Variants in RIC8A observed in about 807,000 individuals in gnomAD.
RIC8A encodes RIC8 guanine nucleotide exchange factor A, also known as chaperone Ric-8A.
In RIC8A, 37 loss-of-function variants were observed where a neutral mutation model predicts 48.4. That is an observed-to-expected ratio of 0.77 (90% CI 0.59 to 1.01). The LOEUF (loss-of-function observed/expected upper bound fraction) is 1.01, where lower values mean the gene tolerates loss of function less well. RIC8A is among the 50% of genes least tolerant of loss of function. The pLI is 0.00. For missense variants in RIC8A, 681 were observed against 696.8 expected, an observed-to-expected ratio of 0.98 and a Z score of 0.25; for synonymous variants, 288 against 283.4, an observed-to-expected ratio of 1.02 and a Z score of -0.16.
intron 5 of RIC8A, chr11:212,019 T>C (rs1220028803): frequency 3.7e-6 from 1 of 268,924 alleles, no homozygotes. Flanking sequence ...GTCCACGAAG[T>C]ACACAGAGCG....
chr11:209,667 A>G lies in RIC8A; in HGVS notation c.393A>G (p.Ala131=), dbSNP rs375200687. 155 of 1,613,826 alleles carry G rather than the reference A, an allele frequency of 9.6e-5. No homozygotes were observed. Among genetic ancestry groups the G allele is most frequent in the Non-Finnish European group, 1.3e-4 (148 of 1,179,998 alleles). The stretch of plus-strand genomic sequence containing the variant: ...ACCTCGTGCTCAGCAGCCCTGTGGC[A>G]CAGATGCTGGCAGCAGAGGCCCGCC... ...LCNLVLSSPV[A]QMLAAEARLV... The change falls in exon 3 of 10, where the codon GCA becomes GCG. Residue 131 remains alanine (A), a synonymous_variant. Coordinates refer to ENST00000526104, the MANE Select transcript of RIC8A (RefSeq NM_001286134.2).
Position 208,705 on chromosome 11 carries a change from C to G in RIC8A, c.-150C>G. 1.8e-6 allele frequency: 1 copy of G among 553,482 alleles called. No individual in the cohort carries two copies. The highest frequency in any genetic ancestry group is 3.1e-6 in the Non-Finnish European group (1 of 324,840). 34.3% of individuals were successfully genotyped at this position (553,482 alleles called of 1,614,324 possible). On this transcript the variant is annotated 5_prime_UTR_variant, in exon 1 of 10. Transcript: ENST00000526104. The surrounding 1 kb of genome is among the most constrained non-coding windows in gnomAD (Gnocchi z 4.8). ...CGCGCCCCCTTAAAGCGCCACCAGA[C>G]GCTGCGCCCCGTTAAAGCGCCACCA...
chr11:208,772 G>T lies in RIC8A; in HGVS notation c.-83G>T. The T allele has an allele frequency of 8.8e-7, 1 of 1,141,508 alleles. No homozygotes were observed. The highest frequency in any genetic ancestry group is 1.2e-6 in the Non-Finnish European group (1 of 823,396). The allele number at this position is 1,141,508 out of a possible 1,614,324, so 70.7% of individuals were successfully genotyped here. ...CCGGCCTCCCCCGCGCGCTGGCGCG[G>T]GGCTTTCTGGGCCAGGGCGGGGCCG... On this transcript the variant is annotated 5_prime_UTR_variant, in exon 1 of 10. Transcript: ENST00000526104. This position sits in a 1 kb window ranked among gnomAD's most constrained non-coding sequence, Gnocchi z 4.8.
intron 9 of RIC8A, 121 bp downstream of exon 9, chr11:213,539 A>G: frequency 7.3e-7 from 1 of 1,372,318 alleles, no homozygotes; most frequent in Non-Finnish European, 9.8e-7. Context: ...ATTAGGTTGC[A>G]TTGCTCACGT....
chr11:214,088 T>C (rs911155836), intron 9 of RIC8A, 142 bp from the exon 10 acceptor site: 1 of 953,580 alleles, frequency 1.0e-6, no homozygotes, highest in Non-Finnish European at 1.5e-6. Flanking sequence ...TTGGGCCCAG[T>C]TAACAGAAGG....
chr11:214,670 G>C lies in RIC8A; in HGVS notation c.*320G>C. On this transcript the variant is annotated 3_prime_UTR_variant, in exon 10 of 10. Transcript: ENST00000526104. ...AGGGCAGGGCCTACCTGGGCACACAGAAGAGCATATGGGAGGGCAGGGGTT... is the reference window on the plus strand; with the variant it reads ...AGGGCAGGGCCTACCTGGGCACACACAAGAGCATATGGGAGGGCAGGGGTT... 2.4e-6 allele frequency: 1 copy of C among 415,218 alleles called. No individual in the cohort carries two copies. Among genetic ancestry groups the C allele is most frequent in the Non-Finnish European group, 4.6e-6 (1 of 218,940 alleles). 25.7% of individuals were successfully genotyped at this position (415,218 alleles called of 1,614,324 possible).
intron 4 of RIC8A, chr11:210,972 C>T (rs1382964480): frequency 6.5e-6 from 4 of 612,274 alleles, no homozygotes; most frequent in South Asian, 4.0e-5. Flanking sequence ...CAGACAGGGT[C>T]GGGGAGGCAG....
chr11:208,776 T>G lies in RIC8A; in HGVS notation c.-79T>G. ...CCTCCCCCGCGCGCTGGCGCGGGGCTTTCTGGGCCAGGGCGGGGCCGGCGA... is the reference window on the plus strand; with the variant it reads ...CCTCCCCCGCGCGCTGGCGCGGGGCGTTCTGGGCCAGGGCGGGGCCGGCGA... On this transcript the variant is annotated 5_prime_UTR_variant, in exon 1 of 10. Transcript: ENST00000526104. This position sits in a 1 kb window ranked among gnomAD's most constrained non-coding sequence, Gnocchi z 4.8. 1 of 1,222,938 alleles carries G rather than the reference T, an allele frequency of 8.2e-7. No individual in the cohort carries two copies. Among genetic ancestry groups the G allele is most frequent in the Non-Finnish European group, 1.1e-6 (1 of 891,088 alleles). The allele number at this position is 1,222,938 out of a possible 1,614,324, so 75.8% of individuals were successfully genotyped here.
chr11:209,894 A>G lies in RIC8A; in HGVS notation c.620A>G (p.Asn207Ser), dbSNP rs1564798841. Residue 207 changes from asparagine to serine, a missense_variant, in exon 3 of 10, where the codon AAC becomes AGC. By Grantham distance (46) the Asn-to-Ser change is conservative. Transcript: ENST00000526104. ...ACGCTGGGGGTGACTCCTGAAGGGA[A>G]CCCCCCACCCACGCTCCTTCCTTCC... ...ELTLGVTPEG[N>S]PPPTLLPSQE... 6.2e-7 allele frequency: 1 copy of G among 1,609,626 alleles called. No homozygotes were observed. The highest frequency in any genetic ancestry group is 8.5e-7 in the Non-Finnish European group (1 of 1,179,772).
Position 210,665 on chromosome 11 carries a change from G to T in RIC8A, c.818+3G>T. The T allele has an allele frequency of 6.2e-7, 1 of 1,613,922 alleles. No homozygotes were observed. The highest frequency in any genetic ancestry group is 8.5e-7 in the Non-Finnish European group (1 of 1,179,818). On this transcript the variant is annotated splice_donor_region_variant and intron_variant, in intron 4 of 9. Transcript: ENST00000526104. ...GACCGCACAGAGGAGTTCCACGGGTGAGAATGGGGCTTTTTCTGGGAGGGA... is the reference window on the plus strand; with the variant it reads ...GACCGCACAGAGGAGTTCCACGGGTTAGAATGGGGCTTTTTCTGGGAGGGA...
chr11:210,420 C>CA (rs768849175), intron 3 of RIC8A, 151 bp from the exon 4 acceptor site: 2 of 796,368 alleles, frequency 2.5e-6, no homozygotes, highest in Middle Eastern at 2.2e-4. Context: ...TACCCAGAGT[C>CA]ACCTAGGAAG....
Position 208,819 on chromosome 11 carries a change from C to G in RIC8A, c.-36C>G. 1.3e-6 allele frequency: 2 copies of G among 1,579,008 alleles called. No individual in the cohort carries two copies. The highest frequency in any genetic ancestry group is 1.7e-6 in the Non-Finnish European group (2 of 1,158,876). ...GCCGGCGAACTGCGGCCCGGAACGG[C>G]TGAGGAAGGGCCCGTCCCGCCTTCC... On this transcript the variant is annotated 5_prime_UTR_variant, in exon 1 of 10. Transcript: ENST00000526104. This position sits in a 1 kb window ranked among gnomAD's most constrained non-coding sequence, Gnocchi z 4.8.
At chr11:213,075 G>A (rs1012565631) in intron 8 of RIC8A, 94 bp downstream of exon 8, 13 of 1,458,592 alleles carry the variant, frequency 8.9e-6, no homozygotes, top group Non-Finnish European at 1.2e-5. Flanking sequence ...GGGACAGGAT[G>A]ACAAATGGGC....
Position 209,338 on chromosome 11 carries a change from G to A in RIC8A, c.132+20G>A, listed in dbSNP as rs1564798330. 1 of 1,609,430 alleles carries A rather than the reference G, an allele frequency of 6.2e-7. No homozygotes were observed. Among genetic ancestry groups the A allele is most frequent in the South Asian group, 1.1e-5 (1 of 90,758 alleles). ...CGGAAGGTGGGTGCTGGCCCAAGGG[G>A]TAAAGGGGCAGGGACGGGTGGCCCC... On this transcript the variant is annotated intron_variant, in intron 2 of 9. Coordinates refer to ENST00000526104, the MANE Select transcript of RIC8A (RefSeq NM_001286134.2).
Position 212,497 on chromosome 11 carries a change from T to G in RIC8A, c.1051T>G (p.Phe351Val), listed in dbSNP as rs770564999. The part of the protein sequence containing the change: ...CARMHRPARK[F>V]LKAQVLPPLR... The stretch of plus-strand genomic sequence containing the variant: ...CCGGATGCACCGCCCAGCCAGGAAG[T>G]TCCTGAAGGCCCAGGTATAAGGCTG... The change falls in exon 6 of 10, where the codon TTC becomes GTC. Residue 351 changes from phenylalanine (F) to valine (V), a missense_variant. Transcript: ENST00000526104. 1.9e-6 allele frequency: 3 copies of G among 1,613,852 alleles called. No individual in the cohort carries two copies. Among genetic ancestry groups the G allele is most frequent in the Non-Finnish European group, 2.5e-6 (3 of 1,179,884 alleles).
chr11:209,025 A>G lies in RIC8A; in HGVS notation c.84+87A>G, dbSNP rs558448396. Reference sequence around the variant, plus strand: ...GTAGCAGGGAGGGCGTGGGTGAGGCAGAGGCTGTGTCAGCAAGCGTAGGGG... The same window carrying G: ...GTAGCAGGGAGGGCGTGGGTGAGGCGGAGGCTGTGTCAGCAAGCGTAGGGG... On this transcript the variant is annotated intron_variant, in intron 1 of 9. Coordinates refer to ENST00000526104, the MANE Select transcript of RIC8A (RefSeq NM_001286134.2). 50 of 1,243,352 alleles carry G rather than the reference A, an allele frequency of 4.0e-5. 1 individual carries two copies. The African/African-American group carries it at 6.5e-4, about 16-fold the overall frequency. The allele number at this position is 1,243,352 out of a possible 1,614,324, so 77.0% of individuals were successfully genotyped here. A position where few individuals can be genotyped will look rare whatever the true frequency, so the allele number is the denominator to read the frequency against.
In RIC8A at chr11:214,732, A is replaced by T. The variant is rs1855491095; in HGVS notation, c.*382A>T. On this transcript the variant is annotated 3_prime_UTR_variant, in exon 10 of 10. Transcript: ENST00000526104. ...GCACACAAAGCAAGCACCATCTGGG[A>T]TTGGCACACTGGCAGAGCCAGTGTG... 11 of 364,132 alleles carry T rather than the reference A, an allele frequency of 3.0e-5. No homozygotes were observed. The highest frequency in any genetic ancestry group is 1.9e-4 in the South Asian group (9 of 46,770). The allele number at this position is 364,132 out of a possible 1,614,324, so 22.6% of individuals were successfully genotyped here.
chr11:208,771 G>A lies in RIC8A; in HGVS notation c.-84G>A, dbSNP rs564547320. 6.2e-6 allele frequency: 7 copies of A among 1,121,086 alleles called. No homozygotes were observed. The highest frequency in any genetic ancestry group is 1.7e-5 in the African/African-American group (1 of 59,932). 69.4% of individuals were successfully genotyped at this position (1,121,086 alleles called of 1,614,324 possible). On this transcript the variant is annotated 5_prime_UTR_variant, in exon 1 of 10. Coordinates refer to ENST00000526104, the MANE Select transcript of RIC8A (RefSeq NM_001286134.2). This position sits in a 1 kb window ranked among gnomAD's most constrained non-coding sequence, Gnocchi z 4.8. ...CCCGGCCTCCCCCGCGCGCTGGCGC[G>A]GGGCTTTCTGGGCCAGGGCGGGGCC... is the stretch of plus-strand genomic sequence containing the variant.
intron 9 of RIC8A, 126 bp from the exon 10 acceptor site, chr11:214,104 C>T (rs1039671522): frequency 8.7e-7 from 1 of 1,146,568 alleles, no homozygotes; most frequent in Non-Finnish European, 1.2e-6. Context: ...GAAGGTCCAA[C>T]CAGGCTTCCC....
Sources: allele counts gnomAD v4.1 joint callset, GRCh38; gene constraint gnomAD v4.1.1; non-coding constraint Gnocchi (gnomAD v3.1); transcripts MANE v1.5; gene names NCBI Gene and HGNC (gene_info 2026-07-23, HGNC 2026-07-21).